TAS2R1: variants seen among roughly 807,000 people sequenced by gnomAD.
TAS2R1 encodes taste 2 receptor member 1.
For synonymous variants in TAS2R1, 141 were observed against 134.2 expected (o/e 1.05, Z -0.35); for missense variants, 370 against 353.4 (o/e 1.05, Z -0.38).
At chr5:9,861,096 G>C in the TAS2R1 span, among the ~76,000 whole-genome samples, 13 of 126,238 alleles carry the variant, frequency 1.0e-4, no homozygotes, top group Non-Finnish European at 1.9e-4. Context: ...AAACTTTTGA[G>C]CTAGTGACCA....
At chr5:9,692,222 G>A (rs767128771) in intron 1 of TAS2R1, among the ~76,000 whole-genome samples, 5 of 152,152 alleles carry the variant, frequency 3.3e-5, no homozygotes, top group African/African-American at 4.8e-5. Context: ...ACCAAGCCAG[G>A]ATCACCGGCT....
chr5:9,659,810 A>T (rs1276239257), intron 1 of TAS2R1: 1 of 151,954 alleles, frequency 6.6e-6, no homozygotes, highest in Non-Finnish European at 1.5e-5. Context: ...AATCACCTAC[A>T]CTTAAGGACC....
chr5:9,628,763 TTTTC>T lies in TAS2R1; in HGVS notation c.*366_*369del, dbSNP rs1453851359. On this transcript the variant is annotated 3_prime_UTR_variant, in exon 1 of 1. Transcript: ENST00000382492. ...TGACATCACGAGTTCAAACAAGTGC[TTTTC>T]TTTTTCATCAAACTTTTAATTTTGA... Among the ~76,000 whole-genome samples, 7 of 152,222 alleles carry T rather than the reference TTTTC, an allele frequency of 4.6e-5. No homozygotes were observed. Among genetic ancestry groups the T allele is most frequent in the Non-Finnish European group, 7.3e-5 (5 of 68,030 alleles).
the TAS2R1 span, among the ~76,000 whole-genome samples, chr5:9,835,529 G>C: frequency 1.2e-3 from 176 of 152,346 alleles, no homozygotes; most frequent in African/African-American, 4.0e-3. Context: ...GCCTCTAATA[G>C]AGCCAATTCT....
At chr5:9,817,647 A>G in the TAS2R1 span, among the ~76,000 whole-genome samples, 9 of 152,206 alleles carry the variant, frequency 5.9e-5, no homozygotes, top group Non-Finnish European at 8.8e-5. Flanking sequence ...AAACAAAACT[A>G]GAAGATACTG....
At chr5:9,851,978 G>T in the TAS2R1 span, among the ~76,000 whole-genome samples, 4 of 152,060 alleles carry the variant, frequency 2.6e-5, no homozygotes, top group Admixed American at 2.6e-4. Flanking sequence ...CATTAATATG[G>T]CTCAGAGACA....
chr5:9,773,095 T>C, the TAS2R1 span, among the ~76,000 whole-genome samples: 1 of 152,086 alleles, frequency 6.6e-6, no homozygotes, highest in African/African-American at 2.4e-5. Flanking sequence ...TTTCCTTCCT[T>C]CATTTCTTTT....
chr5:9,708,882 C>T (rs887409810), intron 1 of TAS2R1, among the ~76,000 whole-genome samples: 1 of 152,156 alleles, frequency 6.6e-6, no homozygotes, highest in African/African-American at 2.4e-5. Context: ...TGTTCCCCAA[C>T]TCAGCCACAT....
the TAS2R1 span, among the ~76,000 whole-genome samples, chr5:9,720,815 T>C: frequency 6.6e-6 from 1 of 152,198 alleles, no homozygotes; most frequent in African/African-American, 2.4e-5. Flanking sequence ...CCTCTGCATC[T>C]CGAAGGTTTC....
the TAS2R1 span, among the ~76,000 whole-genome samples, chr5:9,812,839 T>C: frequency 1.3e-5 from 2 of 152,176 alleles, no homozygotes; most frequent in African/African-American, 2.4e-5. Context: ...CCCAGTTTTT[T>C]TCTCTTCAGT....
chr5:9,644,220 T>C (rs1250977573), intron 2 of TAS2R1, among the ~76,000 whole-genome samples: 1 of 152,144 alleles, frequency 6.6e-6, no homozygotes, highest in African/African-American at 2.4e-5. Flanking sequence ...GAAAGGCATT[T>C]ACTCTGGAGA....
At chr5:9,675,105 C>CAT (rs10580967) in intron 1 of TAS2R1, among the ~76,000 whole-genome samples, 1,789 of 146,008 alleles carry the variant, frequency 0.012, 21 homozygotes, top group African/African-American at 0.03. Context: ...AAAATGAAAT[C>CAT]ATATATATAT....
chr5:9,724,468 AC>A, the TAS2R1 span, among the ~76,000 whole-genome samples: 1 of 151,534 alleles, frequency 6.6e-6, no homozygotes, highest in Admixed American at 6.6e-5. Context: ...TTTTCTCCCA[AC>A]TGTTATTTCC....
chr5:9,849,682 C>A, the TAS2R1 span, among the ~76,000 whole-genome samples: 1 of 152,180 alleles, frequency 6.6e-6, no homozygotes. Flanking sequence ...CTTGATGTAT[C>A]TCACCTCCTA....
At chr5:9,732,095 T>G in the TAS2R1 span, among the ~76,000 whole-genome samples, 3 of 152,052 alleles carry the variant, frequency 2.0e-5, no homozygotes, top group African/African-American at 7.2e-5. Flanking sequence ...ATACATGGAG[T>G]CATCAGCAAA....
the TAS2R1 span, among the ~76,000 whole-genome samples, chr5:9,856,464 C>G: frequency 3.3e-5 from 5 of 152,142 alleles, no homozygotes; most frequent in South Asian, 1.0e-3. Flanking sequence ...CAGGAGAATA[C>G]AGAGGAAGTT....
At chr5:9,630,755 A>C (rs552369504), upstream of TAS2R1, among the ~76,000 whole-genome samples, 4 of 152,332 alleles carry the variant, frequency 2.6e-5, no homozygotes, top group Admixed American at 2.6e-4. Context: ...AGAGTAATTC[A>C]GGGGTTAAAA....
At chr5:9,902,262 T>C in the TAS2R1 span, among the ~76,000 whole-genome samples, 1 of 152,102 alleles carries the variant, frequency 6.6e-6, no homozygotes. Flanking sequence ...TATTGAGGCA[T>C]ACATGAACTG....
chr5:9,768,018 C>A, the TAS2R1 span, among the ~76,000 whole-genome samples: 2 of 152,062 alleles, frequency 1.3e-5, no homozygotes. Flanking sequence ...CCCCACACTC[C>A]TTCCTGAGGC....
Sources: allele counts gnomAD v4.1 joint callset (sites outside exome capture counted in the v4.1 genomes callset), GRCh38; gene constraint gnomAD v4.1.1; transcripts MANE v1.5; gene names NCBI Gene and HGNC (gene_info 2026-07-23, HGNC 2026-07-21).